RASEF: variants seen among roughly 807,000 people sequenced by gnomAD.
The protein encoded by RASEF is ras and EF-hand domain-containing protein.
A neutral mutation model predicts 90.1 loss-of-function variants in RASEF; 68 were observed. That is an observed-to-expected ratio of 0.75 (90% CI 0.62 to 0.92). RASEF has a LOEUF of 0.92. RASEF is among the 40% of genes least tolerant of loss of function. The pLI is 0.00. For synonymous variants in RASEF, 331 were observed against 345.2 expected, an observed-to-expected ratio of 0.96 and a Z score of 0.46; for missense variants, 949 against 937.2, an observed-to-expected ratio of 1.01 and a Z score of -0.16.
chr9:83,175,151 C>A, the RASEF span, among the ~76,000 whole-genome samples: 1 of 152,120 alleles, frequency 6.6e-6, no homozygotes, highest in Non-Finnish European at 1.5e-5. Flanking sequence ...GCTATTATAA[C>A]AGAAACAGTG....
chr9:83,160,271 T>C, the RASEF span, among the ~76,000 whole-genome samples: 1 of 152,152 alleles, frequency 6.6e-6, no homozygotes, highest in Non-Finnish European at 1.5e-5. Flanking sequence ...TAGAGACTTG[T>C]TGAATGACTT....
the RASEF span, among the ~76,000 whole-genome samples, chr9:83,179,807 TACAC>T: frequency 9.2e-5 from 14 of 151,770 alleles, no homozygotes; most frequent in East Asian, 3.9e-4. Context: ...CACACACACA[TACAC>T]ACACACACGT....
intron 3 of RASEF, among the ~76,000 whole-genome samples, chr9:83,020,806 G>A (rs1361122477): frequency 2.6e-5 from 4 of 152,142 alleles, no homozygotes; most frequent in Admixed American, 6.5e-5. Context: ...AGAATAACAC[G>A]TGCTTGATAA....
At chr9:83,204,866 T>C in the RASEF span, among the ~76,000 whole-genome samples, 36 of 152,382 alleles carry the variant, frequency 2.4e-4, no homozygotes, top group South Asian at 7.4e-3. Flanking sequence ...ATATTGTTAA[T>C]ACTAGTTTTG....
the RASEF span, among the ~76,000 whole-genome samples, chr9:83,102,909 G>A: frequency 6.6e-6 from 1 of 152,210 alleles, no homozygotes; most frequent in East Asian, 1.9e-4. Context: ...GTCCTTTGCT[G>A]TCTCTAGGAA....
At chr9:83,021,527 C>A (rs1007105487) in intron 3 of RASEF, among the ~76,000 whole-genome samples, 2 of 152,208 alleles carry the variant, frequency 1.3e-5, no homozygotes, top group Non-Finnish European at 2.9e-5. Context: ...TCACTTTCAA[C>A]TTTAAATGGT....
At chr9:83,197,584 A>C in the RASEF span, among the ~76,000 whole-genome samples, 2 of 152,326 alleles carry the variant, frequency 1.3e-5, no homozygotes, top group South Asian at 4.1e-4. Flanking sequence ...GTAATAAGAA[A>C]TCTTGGAAGT....
the RASEF span, among the ~76,000 whole-genome samples, chr9:83,154,029 T>C: frequency 6.6e-6 from 1 of 152,240 alleles, no homozygotes; most frequent in Non-Finnish European, 1.5e-5. Flanking sequence ...TGCTACTAAC[T>C]GCTGTGTGAC....
At chr9:82,995,362 T>C (rs1828896045) in intron 14 of RASEF, among the ~76,000 whole-genome samples, 1 of 152,230 alleles carries the variant, frequency 6.6e-6, no homozygotes, top group Non-Finnish European at 1.5e-5. Flanking sequence ...TATCTGTTAT[T>C]CTCTGGACTT....
At chr9:83,093,875 G>A in the RASEF span, among the ~76,000 whole-genome samples, 3 of 152,264 alleles carry the variant, frequency 2.0e-5, no homozygotes, top group Non-Finnish European at 2.9e-5. Context: ...CTCTCAGTAT[G>A]AGATAGCATT....
chr9:83,120,975 C>T, the RASEF span, among the ~76,000 whole-genome samples: 1 of 152,128 alleles, frequency 6.6e-6, no homozygotes, highest in Non-Finnish European at 1.5e-5. Flanking sequence ...ACCATTAGAA[C>T]AAAATGGTCA....
chr9:83,072,151 C>G, the RASEF span, among the ~76,000 whole-genome samples: 1 of 152,176 alleles, frequency 6.6e-6, no homozygotes, highest in African/African-American at 2.4e-5. Flanking sequence ...GTATTCTCCT[C>G]CCCTACTTTA....
At chr9:83,049,276 C>G (rs925147078) in intron 1 of RASEF, 6 of 983,738 alleles carry the variant, frequency 6.1e-6, no homozygotes, top group Admixed American at 6.1e-5. Context: ...CACACATTTA[C>G]AAAATCAATG....
At chr9:83,198,832 A>T in the RASEF span, among the ~76,000 whole-genome samples, 1 of 7,464 alleles carries the variant, frequency 1.3e-4, no homozygotes, top group East Asian at 0.019. Flanking sequence ...TATAAATAGA[A>T]TGGGGGGGAG....
At chr9:83,065,654 A>G (rs532827999), upstream of RASEF, among the ~76,000 whole-genome samples, 4 of 152,324 alleles carry the variant, frequency 2.6e-5, no homozygotes, top group African/African-American at 9.6e-5. Context: ...TACCATACCT[A>G]AGGTAAAGAG....
At chr9:82,999,984 GAC>G (rs55873985) in intron 12 of RASEF, among the ~76,000 whole-genome samples, 183 bp downstream of exon 12, 14,019 of 140,636 alleles carry the variant, frequency 0.1, 745 homozygotes, top group Non-Finnish European at 0.12. Flanking sequence ...TAGACTAGGA[GAC>G]ACACACACAC....
chr9:83,166,669 C>A, the RASEF span, among the ~76,000 whole-genome samples: 1 of 152,130 alleles, frequency 6.6e-6, no homozygotes, highest in Non-Finnish European at 1.5e-5. Context: ...CTACTGCACC[C>A]CCACCCCAGC....
At chr9:83,152,972 A>G in the RASEF span, among the ~76,000 whole-genome samples, 2 of 152,216 alleles carry the variant, frequency 1.3e-5, no homozygotes, top group Non-Finnish European at 2.9e-5. Flanking sequence ...AGAACTTTGT[A>G]TGGCAATGTC....
At chr9:83,049,575 A>C (rs1180894883) in intron 1 of RASEF, among the ~76,000 whole-genome samples, 4 of 120,556 alleles carry the variant, frequency 3.3e-5, no homozygotes, top group Admixed American at 3.0e-4. Context: ...GTTTTAGGGT[A>C]CATGTGCACA....
Sources: gnomAD v4.1 joint callset for allele counts (sites outside exome capture counted in the v4.1 genomes callset) on GRCh38, gnomAD v4.1.1 for gene constraint, MANE v1.5 for transcripts, NCBI Gene and HGNC (gene_info 2026-07-23, HGNC 2026-07-21) for gene names.